The following ROBO2 variants were observed in gnomAD, a reference collection of about 807,000 sequenced individuals.
ROBO2 encodes the protein roundabout homolog 2.
ROBO2 carries 53 observed loss-of-function variants against 160.8 expected under a neutral mutation model. The ratio of observed to expected loss-of-function variants is 0.33; its 90% CI spans 0.26 to 0.41. ROBO2 has a LOEUF of 0.41. Among genes scored for constraint, ROBO2 ranks in the 10% least tolerant of loss-of-function variants. The pLI is 1.00. For synonymous variants in ROBO2, 664 were observed against 611.7 expected, an observed-to-expected ratio of 1.09 and a Z score of -1.26; for missense variants, 1,577 against 1,722.4, an observed-to-expected ratio of 0.92 and a Z score of 1.49.
At chr3:76,374,303 G>A (rs557246571) in intron 2 of ROBO2, among the ~76,000 whole-genome samples, 13 of 152,018 alleles carry the variant, frequency 8.6e-5, no homozygotes, top group East Asian at 1.9e-4. Context: ...TAGCAACATC[G>A]TTAATATCTT....
chr3:76,979,618 A>C lies in ROBO2; in HGVS notation c.110-118396A>C, dbSNP rs948982509. On this transcript the variant is annotated intron_variant, in intron 2 of 26. Coordinates refer to the ROBO2 transcript ENST00000487694. ...GGTGTGTGTGTGTGTGTGTGTGCGC[A>C]GGTATATGTTTGATATGATTTTTTT... Among the ~76,000 whole-genome samples the C allele has an allele frequency of 4.7e-5, 7 of 148,822 alleles. No homozygotes were observed. In the South Asian group the frequency reaches 6.7e-4, roughly 14 times the overall value.
rs2067398376 is a variant in ROBO2 at position 77,071,410 on chromosome 3, T to C, written c.62-26604T>C. 1.3e-5 allele frequency among the ~76,000 whole-genome samples: 2 copies of C among 152,226 alleles called. 1 individual carries two copies. Among genetic ancestry groups the C allele is most frequent in the South Asian group, 4.1e-4 (2 of 4,828 alleles). On this transcript the variant is annotated intron_variant, in intron 1 of 25. Transcript: ENST00000461745. Reference sequence around the variant, plus strand: ...CATGTCCTTTACGATTGTTGTATAATGACTACTTGTAAAGTTAGCTAAGAC... The same window carrying C: ...CATGTCCTTTACGATTGTTGTATAACGACTACTTGTAAAGTTAGCTAAGAC...
At chr3:77,471,290 T>C (rs1202121138) in intron 2 of ROBO2, among the ~76,000 whole-genome samples, 1 of 151,482 alleles carries the variant, frequency 6.6e-6, no homozygotes, top group Non-Finnish European at 1.5e-5. Flanking sequence ...ACAGAGAGGG[T>C]TTGGGGTGGG....
intron 1 of ROBO2, among the ~76,000 whole-genome samples, chr3:77,089,270 A>G (rs916098063): frequency 3.3e-5 from 5 of 152,126 alleles, no homozygotes; most frequent in African/African-American, 1.2e-4. Context: ...GTGAGAAAGA[A>G]ACTTCAGTTC....
chr3:76,806,217 G>GTGTGTA (rs1368874064), intron 2 of ROBO2, among the ~76,000 whole-genome samples: 1 of 146,390 alleles, frequency 6.8e-6, no homozygotes, highest in Non-Finnish European at 1.5e-5. Flanking sequence ...CTGTGTGCGT[G>GTGTGTA]TGTGTGTGTG....
chr3:76,219,241 A>G (rs980676527), intron 2 of ROBO2, among the ~76,000 whole-genome samples: 3 of 152,196 alleles, frequency 2.0e-5, no homozygotes, highest in African/African-American at 7.2e-5. Flanking sequence ...AAACTAGGCA[A>G]TACCATTCAG....
chr3:76,632,864 A>G lies in ROBO2; in HGVS notation c.110-465150A>G, dbSNP rs191902362. The stretch of plus-strand genomic sequence containing the variant: ...ATATATTATGCTAAATTGCTGGAGG[A>G]TCCATTGCTGTCACGATAACAATAC... On this transcript the variant is annotated intron_variant, in intron 2 of 26. Coordinates refer to the ROBO2 transcript ENST00000487694. 3.3e-5 allele frequency among the ~76,000 whole-genome samples: 5 copies of G among 152,318 alleles called. No individual in the cohort carries two copies. The East Asian group carries it at 9.6e-4, about 29-fold the overall frequency.
At chr3:77,069,687 GAAAC>G (rs1439880691) in intron 1 of ROBO2, among the ~76,000 whole-genome samples, 1 of 152,106 alleles carries the variant, frequency 6.6e-6, no homozygotes, top group African/African-American at 2.4e-5. Flanking sequence ...TCCTTTGTAT[GAAAC>G]ACTCTTTTAG....
At chr3:77,511,273 C>T (rs1011995516) in intron 5 of ROBO2, among the ~76,000 whole-genome samples, 1 of 151,918 alleles carries the variant, frequency 6.6e-6, no homozygotes, top group Non-Finnish European at 1.5e-5. Flanking sequence ...ACTCAGAAGA[C>T]AGCCACAGGC....
chr3:76,216,566 C>A (rs1035547660), intron 2 of ROBO2, among the ~76,000 whole-genome samples: 1 of 152,064 alleles, frequency 6.6e-6, no homozygotes, highest in Non-Finnish European at 1.5e-5. Flanking sequence ...ACAAAGAAGG[C>A]CATTACGTAA....
intron 2 of ROBO2, among the ~76,000 whole-genome samples, chr3:76,391,078 A>G (rs994520446): frequency 6.6e-6 from 1 of 152,030 alleles, no homozygotes; most frequent in Admixed American, 6.6e-5. Flanking sequence ...CAAGCATTCA[A>G]TTAATATGTT....
intron 2 of ROBO2, among the ~76,000 whole-genome samples, chr3:77,099,579 C>T (rs2071622085): frequency 6.6e-6 from 1 of 152,088 alleles, no homozygotes; most frequent in Non-Finnish European, 1.5e-5. Context: ...CTTCAAAAAG[C>T]CCTCAAATTA....
At position 76,654,640 on chromosome 3, in the gene ROBO2, A is replaced by G. The variant is rs151001066; in HGVS notation, c.110-443374A>G. Reference sequence around the variant, plus strand: ...GGGGTAATAGGGACTTTCAAGGGTGACAAGATCTGTGCTCACTTGGAAGGA... The same window carrying G: ...GGGGTAATAGGGACTTTCAAGGGTGGCAAGATCTGTGCTCACTTGGAAGGA... On this transcript the variant is annotated intron_variant, in intron 2 of 26. Coordinates refer to the ROBO2 transcript ENST00000487694. Among the ~76,000 whole-genome samples, 292 of 152,220 alleles carry G rather than the reference A, an allele frequency of 1.9e-3. 2 individuals carry two copies. The highest frequency in any genetic ancestry group is 3.3e-3 in the Non-Finnish European group (226 of 68,008).
intron 2 of ROBO2, among the ~76,000 whole-genome samples, chr3:76,432,907 G>T (rs530634061): frequency 6.6e-6 from 1 of 150,636 alleles, no homozygotes; most frequent in Non-Finnish European, 1.5e-5. Flanking sequence ...AAGGGAGGGA[G>T]AAAAAGATGG....
intron 2 of ROBO2, among the ~76,000 whole-genome samples, chr3:76,273,120 AATATAT>A (rs749043409): frequency 1.0e-3 from 33 of 32,356 alleles, no homozygotes; most frequent in African/African-American, 1.2e-3. Flanking sequence ...CACACATATA[AATATAT>A]ATATATATAT....
chr3:77,323,998 A>G (rs1031373983), intron 2 of ROBO2, among the ~76,000 whole-genome samples: 2 of 152,136 alleles, frequency 1.3e-5, no homozygotes, highest in Non-Finnish European at 2.9e-5. Context: ...GTGTATATTC[A>G]GATTGATTTA....
chr3:76,628,102 A>G (rs74397552), intron 2 of ROBO2, among the ~76,000 whole-genome samples: 6,857 of 152,302 alleles, frequency 0.045, 216 homozygotes, highest in Non-Finnish European at 0.071. Flanking sequence ...TCATGCCAGA[A>G]TGGTTTCTAA....
chr3:76,845,231 A>G (rs1187305979), intron 2 of ROBO2, among the ~76,000 whole-genome samples: 1 of 151,406 alleles, frequency 6.6e-6, no homozygotes, highest in Non-Finnish European at 1.5e-5. Context: ...GTTAAGAAAC[A>G]AAAAAAATTC....
At chr3:76,004,206 G>T (rs2065960878) in intron 2 of ROBO2, among the ~76,000 whole-genome samples, 1 of 152,074 alleles carries the variant, frequency 6.6e-6, no homozygotes, top group East Asian at 1.9e-4. Flanking sequence ...CGATAAAAAA[G>T]AATACAATAT....
Sources: allele counts gnomAD v4.1 joint callset (sites outside exome capture counted in the v4.1 genomes callset), GRCh38; gene constraint gnomAD v4.1.1; transcripts MANE v1.5; gene names NCBI Gene and HGNC (gene_info 2026-07-23, HGNC 2026-07-21).